Variants in JMJD1C observed in about 807,000 individuals in gnomAD.
JMJD1C encodes the protein jumonji domain-containing protein 1C.
A neutral mutation model predicts 245.3 loss-of-function variants in JMJD1C; 31 were observed. The observed-to-expected ratio is 0.13, with a 90% CI of 0.09 to 0.17. The LOEUF is 0.17. Ranked by LOEUF, JMJD1C falls within the 10% of genes least tolerant of loss-of-function variation. The pLI, the probability that JMJD1C is intolerant of heterozygous loss-of-function variation, is 1.00. For missense variants in JMJD1C, 2,691 were observed against 3,000.2 expected, an observed-to-expected ratio of 0.90 and a Z score of 2.41; for synonymous variants, 1,057 against 1,017.4, an observed-to-expected ratio of 1.04 and a Z score of -0.74.
At chr10:63,195,090 C>A (rs1225969438) in intron 13 of JMJD1C, among the ~76,000 whole-genome samples, 1 of 152,154 alleles carries the variant, frequency 6.6e-6, no homozygotes, top group African/African-American at 2.4e-5. Flanking sequence ...CACAGTGGCT[C>A]ACACCTGTAA....
At chr10:63,275,008 C>T (rs1044720635) in intron 2 of JMJD1C, among the ~76,000 whole-genome samples, 1 of 151,932 alleles carries the variant, frequency 6.6e-6, no homozygotes, top group Non-Finnish European at 1.5e-5. Context: ...CCAGCCTGGG[C>T]AACATTGCAA....
At chr10:63,427,028 A>G (rs1286613583) in intron 1 of JMJD1C, among the ~76,000 whole-genome samples, 1 of 152,246 alleles carries the variant, frequency 6.6e-6, no homozygotes, top group African/African-American at 2.4e-5. Flanking sequence ...CTCGTTAAAA[A>G]TAAGTATCAT....
At chr10:63,175,361 T>C (rs10995454) in intron 24 of JMJD1C, among the ~76,000 whole-genome samples, 14 of 152,308 alleles carry the variant, frequency 9.2e-5, no homozygotes, top group East Asian at 5.8e-4. Flanking sequence ...GAAATTATCA[T>C]AGAGAAAAAG....
chr10:63,221,491 A>G (rs1336175435), intron 3 of JMJD1C, among the ~76,000 whole-genome samples: 2 of 152,206 alleles, frequency 1.3e-5, no homozygotes, highest in East Asian at 3.8e-4. Context: ...AGAAGAAAAT[A>G]CCAGAATGAA....
intron 3 of JMJD1C, among the ~76,000 whole-genome samples, chr10:63,228,250 T>C (rs1349953231): frequency 6.6e-6 from 1 of 152,230 alleles, no homozygotes; most frequent in Non-Finnish European, 1.5e-5. Context: ...TGAGCATGGC[T>C]ATGTTCCAAT....
intron 2 of JMJD1C, among the ~76,000 whole-genome samples, chr10:63,347,050 T>C (rs1368307782): frequency 6.7e-6 from 1 of 149,754 alleles, no homozygotes; most frequent in Non-Finnish European, 1.5e-5. Context: ...TTCTGCAGTA[T>C]AGAACAAATG....
intron 8 of JMJD1C, among the ~76,000 whole-genome samples, chr10:63,212,140 GAAGA>G (rs1847437237): frequency 6.6e-6 from 1 of 152,150 alleles, no homozygotes; most frequent in African/African-American, 2.4e-5. Context: ...CATAGAAACA[GAAGA>G]AAGGTGGTTG....
chr10:63,316,020 A>T (rs1940000816), intron 2 of JMJD1C, among the ~76,000 whole-genome samples: 1 of 152,066 alleles, frequency 6.6e-6, no homozygotes, highest in Admixed American at 6.6e-5. Context: ...AAATAAAAAA[A>T]TTAGCCAGGC....
upstream of JMJD1C, among the ~76,000 whole-genome samples, chr10:63,468,991 G>GT (rs564124462): frequency 6.6e-6 from 1 of 151,798 alleles, no homozygotes; most frequent in African/African-American, 2.4e-5. Context: ...AAACTATTTT[G>GT]TTTTTTTAAA....
intron 2 of JMJD1C, among the ~76,000 whole-genome samples, chr10:63,306,234 C>T (rs545357421): frequency 2.0e-5 from 3 of 152,150 alleles, no homozygotes; most frequent in South Asian, 2.1e-4. Context: ...GGACTACAGG[C>T]GCCTGCTACC....
At chr10:63,209,740 A>C (rs1847100279) in intron 8 of JMJD1C, among the ~76,000 whole-genome samples, 1 of 152,104 alleles carries the variant, frequency 6.6e-6, no homozygotes, top group Non-Finnish European at 1.5e-5. Context: ...ACCCAAATGC[A>C]CTCCCCATTT....
At chr10:63,354,857 C>CAAAA (rs148651978) in intron 2 of JMJD1C, among the ~76,000 whole-genome samples, 12 of 94,928 alleles carry the variant, frequency 1.3e-4, no homozygotes, top group African/African-American at 4.1e-4. Context: ...TCTACTTTAA[C>CAAAA]AAAAAAAAAA....
intron 1 of JMJD1C, among the ~76,000 whole-genome samples, chr10:63,424,869 A>G (rs1185026653): frequency 1.3e-5 from 2 of 152,182 alleles, no homozygotes; most frequent in Admixed American, 6.5e-5. Context: ...CAAATCTGCA[A>G]TGGGACATCA....
chr10:63,350,761 C>T (rs938456704), intron 2 of JMJD1C, among the ~76,000 whole-genome samples: 2 of 151,846 alleles, frequency 1.3e-5, no homozygotes, highest in South Asian at 2.1e-4. Context: ...GGACTACAGG[C>T]GCCCGCCACC....
At chr10:63,370,802 G>C (rs558372136) in intron 2 of JMJD1C, among the ~76,000 whole-genome samples, 2 of 152,048 alleles carry the variant, frequency 1.3e-5, no homozygotes, top group Non-Finnish European at 2.9e-5. Flanking sequence ...CATAAAACAA[G>C]TTTACTAAAA....
chr10:63,335,860 C>T (rs1158483023), intron 2 of JMJD1C, among the ~76,000 whole-genome samples: 3 of 151,736 alleles, frequency 2.0e-5, no homozygotes, highest in Admixed American at 1.3e-4. Flanking sequence ...GTGGCTCACG[C>T]CTGTAATCCC....
chr10:63,180,134 A>G (rs1258992313), intron 22 of JMJD1C, among the ~76,000 whole-genome samples: 1 of 152,104 alleles, frequency 6.6e-6, no homozygotes, highest in Non-Finnish European at 1.5e-5. Flanking sequence ...CAGCTTCCCA[A>G]GTAGCTGGGA....
intron 2 of JMJD1C, among the ~76,000 whole-genome samples, chr10:63,328,840 T>TTA (rs1237594980): frequency 6.6e-6 from 1 of 152,246 alleles, no homozygotes; most frequent in Non-Finnish European, 1.5e-5. Flanking sequence ...TTTGGGACAT[T>TTA]TATTCTAGTT....
chr10:63,431,149 T>A (rs1172220413), intron 1 of JMJD1C, among the ~76,000 whole-genome samples: 1 of 152,250 alleles, frequency 6.6e-6, no homozygotes, highest in Non-Finnish European at 1.5e-5. Flanking sequence ...GTATATCTAC[T>A]GGTCTGTGAA....
Sources: gnomAD v4.1 joint callset for allele counts (sites outside exome capture counted in the v4.1 genomes callset) on GRCh38, gnomAD v4.1.1 for gene constraint, MANE v1.5 for transcripts, NCBI Gene and HGNC (gene_info 2026-07-23, HGNC 2026-07-21) for gene names.